Variants in B3GAT2 observed in about 807,000 individuals in gnomAD.
B3GAT2 encodes the protein galactosylgalactosylxylosylprotein 3-beta-glucuronosyltransferase 2.
Under a neutral mutation model 27.8 loss-of-function variants are expected in B3GAT2, and 26 were observed. The observed-to-expected ratio is 0.93, with a 90% CI of 0.68 to 1.30. The LOEUF (loss-of-function observed/expected upper bound fraction) is 1.30. Ranked by LOEUF, B3GAT2 falls within the 50% of genes most tolerant of loss-of-function variation. The probability of loss-of-function intolerance (pLI) is 0.00; values close to 1 mark genes in which losing one functional copy is unlikely to be tolerated. For synonymous variants in B3GAT2, 218 were observed against 195.1 expected (o/e 1.12, Z -0.98); for missense variants, 458 against 459.0 (o/e 1.00, Z 0.02).
At chr6:70,884,462 G>A (rs185255171) in intron 2 of B3GAT2, among the ~76,000 whole-genome samples, 2 of 152,138 alleles carry the variant, frequency 1.3e-5, no homozygotes, top group African/African-American at 2.4e-5. Flanking sequence ...GACTGTGCCC[G>A]GCCTGGAGAT....
chr6:70,874,894 T>C (rs1438448576), intron 2 of B3GAT2, among the ~76,000 whole-genome samples: 1 of 152,214 alleles, frequency 6.6e-6, no homozygotes, highest in South Asian at 2.1e-4. Flanking sequence ...TCACCACAAT[T>C]ACAGGGCTGT....
intron 2 of B3GAT2, among the ~76,000 whole-genome samples, chr6:70,874,080 C>T (rs1771977700): frequency 6.6e-6 from 1 of 152,086 alleles, no homozygotes; most frequent in African/African-American, 2.4e-5. Flanking sequence ...CTATCAACTG[C>T]TTTCTTTTTT....
intron 1 of B3GAT2, among the ~76,000 whole-genome samples, chr6:70,897,604 T>TG (rs1243056454): frequency 1.3e-5 from 2 of 149,980 alleles, no homozygotes; most frequent in Admixed American, 6.7e-5. Flanking sequence ...CCAGGTGTGG[T>TG]GGGGAACACC....
chr6:70,862,245 T>C (rs993920426), intron 2 of B3GAT2, among the ~76,000 whole-genome samples: 2 of 152,066 alleles, frequency 1.3e-5, no homozygotes, highest in Non-Finnish European at 2.9e-5. Flanking sequence ...TAATAAAGGG[T>C]GAATTTTATA....
At chr6:70,929,356 T>C (rs1471696847) in intron 1 of B3GAT2, among the ~76,000 whole-genome samples, 1 of 151,820 alleles carries the variant, frequency 6.6e-6, no homozygotes, top group Non-Finnish European at 1.5e-5. Flanking sequence ...TAAAAATATA[T>C]ATTTAAAAAA....
intron 2 of B3GAT2, among the ~76,000 whole-genome samples, chr6:70,877,231 C>T (rs1772028518): frequency 6.6e-6 from 1 of 152,176 alleles, no homozygotes; most frequent in Admixed American, 6.5e-5. Flanking sequence ...GGGTGTTCAG[C>T]ACAGGTACAG....
chr6:70,883,967 G>A (rs1368805623), intron 2 of B3GAT2, among the ~76,000 whole-genome samples: 1 of 151,760 alleles, frequency 6.6e-6, no homozygotes, highest in African/African-American at 2.4e-5. Flanking sequence ...GACACAGGGG[G>A]TGGCCTGGGA....
chr6:70,951,018 G>C (rs534914491), intron 1 of B3GAT2, among the ~76,000 whole-genome samples: 2 of 152,054 alleles, frequency 1.3e-5, no homozygotes, highest in African/African-American at 4.8e-5. Context: ...CTATGTACTG[G>C]TATAACAATT....
chr6:70,875,836 G>C (rs1772005856), intron 2 of B3GAT2, among the ~76,000 whole-genome samples: 2 of 152,150 alleles, frequency 1.3e-5, no homozygotes, highest in Admixed American at 1.3e-4. Context: ...TCCAAGAAGT[G>C]TTCTTTATTT....
intron 1 of B3GAT2, among the ~76,000 whole-genome samples, chr6:70,900,528 A>T (rs4493723): frequency 2.0e-5 from 3 of 152,090 alleles, no homozygotes; most frequent in Non-Finnish European, 4.4e-5. Flanking sequence ...AGCTAAGATT[A>T]CAGGCATGCC....
At position 70,955,788 on chromosome 6, in the gene B3GAT2, C is replaced by T. The variant is rs771519115; in HGVS notation, c.591+51G>A. On this transcript the variant is annotated intron_variant, in intron 1 of 3. Transcript: ENST00000230053. ...GCGTGTGACTGCAGCCCGGCCGGCCCGGAGGCCCACTCCCGCCCTCGCCCA... is the reference window on the plus strand; with the variant it reads ...GCGTGTGACTGCAGCCCGGCCGGCCTGGAGGCCCACTCCCGCCCTCGCCCA... The T allele has an allele frequency of 7.3e-6, 11 of 1,500,710 alleles. No homozygotes were observed. In the South Asian group the frequency reaches 7.6e-5, roughly 10 times the overall value. 93.0% of individuals were successfully genotyped at this position (1,500,710 alleles called of 1,614,324 possible).
In B3GAT2 at chr6:70,894,413, C is replaced by T. The variant is rs531360934; in HGVS notation, c.592-141G>A. The T allele has an allele frequency of 3.7e-5, 34 of 930,196 alleles. No homozygotes were observed. The South Asian group carries it at 8.1e-4, about 22-fold the overall frequency. 57.6% of individuals were successfully genotyped at this position (930,196 alleles called of 1,614,324 possible). A position where few individuals can be genotyped will look rare whatever the true frequency, so the allele number is the denominator to read the frequency against. ...AAGGTTTCAAAACAGAATCCTTCTG[C>T]TGCTAGAGTATGGCCCCCATCTGTT... On this transcript the variant is annotated intron_variant, in intron 1 of 3. Coordinates refer to ENST00000230053, the MANE Select transcript of B3GAT2 (RefSeq NM_080742.3).
At chr6:70,931,483 T>C (rs1320554966) in intron 1 of B3GAT2, among the ~76,000 whole-genome samples, 1 of 152,170 alleles carries the variant, frequency 6.6e-6, no homozygotes, top group African/African-American at 2.4e-5. Context: ...ATAAACCAGC[T>C]ATATTTGGGC....
chr6:70,956,523 G>T lies in B3GAT2; in HGVS notation c.-94C>A. ...GGACAGCGGCGGCGCCAGCACTTAG[G>T]GAGTGGTGATGGGTGCGCTGTCCAT... On this transcript the variant is annotated 5_prime_UTR_variant, in exon 1 of 4. Transcript: ENST00000230053. 1 of 1,530,910 alleles carries T rather than the reference G, an allele frequency of 6.5e-7. No homozygotes were observed. Among genetic ancestry groups the T allele is most frequent in the South Asian group, 1.3e-5 (1 of 79,980 alleles). The allele number at this position is 1,530,910 out of a possible 1,614,324, so 94.8% of individuals were successfully genotyped here.
In B3GAT2 at chr6:70,890,460, C is replaced by T. The variant is rs1772269387; in HGVS notation, c.736+3668G>A. ...AAGACCTGTATGCTCCCAGCCTGCT[C>T]CTTCCACCTGGCTCTGCTGGCCTGT... On this transcript the variant is annotated intron_variant, in intron 2 of 3. Coordinates refer to ENST00000230053, the MANE Select transcript of B3GAT2 (RefSeq NM_080742.3). Among the ~76,000 whole-genome samples, 3 of 152,216 alleles carry T rather than the reference C, an allele frequency of 2.0e-5. 1 individual carries two copies. In the South Asian group the frequency reaches 6.2e-4, roughly 32 times the overall value.
At chr6:70,950,360 G>A (rs1765560441) in intron 1 of B3GAT2, among the ~76,000 whole-genome samples, 1 of 151,780 alleles carries the variant, frequency 6.6e-6, no homozygotes, top group Non-Finnish European at 1.5e-5. Context: ...AAAGGTCAAA[G>A]GAGAAAGCTA....
At chr6:70,915,176 A>C (rs1772751177) in intron 1 of B3GAT2, among the ~76,000 whole-genome samples, 1 of 151,696 alleles carries the variant, frequency 6.6e-6, no homozygotes, top group South Asian at 2.1e-4. Flanking sequence ...ACATTTTTTC[A>C]TATGTCTGTT....
intron 1 of B3GAT2, among the ~76,000 whole-genome samples, chr6:70,918,379 A>T (rs530391188): frequency 1.8e-4 from 28 of 152,280 alleles, no homozygotes; most frequent in African/African-American, 3.1e-4. Context: ...TAATTGGGGC[A>T]TTTAGCCCAC....
intron 1 of B3GAT2, among the ~76,000 whole-genome samples, chr6:70,906,824 T>C (rs1307512888): frequency 6.6e-6 from 1 of 152,064 alleles, no homozygotes; most frequent in African/African-American, 2.4e-5. Context: ...TAATACTGCT[T>C]GAAAAAAGAA....
Sources: allele counts gnomAD v4.1 joint callset (sites outside exome capture counted in the v4.1 genomes callset), GRCh38; gene constraint gnomAD v4.1.1; transcripts MANE v1.5; gene names NCBI Gene and HGNC (gene_info 2026-07-23, HGNC 2026-07-21).